The following C17orf67 variants were observed in gnomAD, a reference collection of about 807,000 sequenced individuals.
C17orf67 encodes the protein chromosome 17 open reading frame 67.
C17orf67 carries 12 observed loss-of-function variants against 11.2 expected under a neutral mutation model. The observed-to-expected ratio is 1.07, with a 90% CI of 0.68 to 1.73. C17orf67 has a LOEUF of 1.73. Among genes scored for constraint, C17orf67 ranks in the 40% most tolerant of loss-of-function variants. C17orf67 has a pLI of 0.00. For missense variants in C17orf67, 115 were observed against 113.5 expected (o/e 1.01, Z -0.06); for synonymous variants, 59 against 46.9 (o/e 1.26, Z -1.05).
chr17:56,833,461 GC>G (rs1234399113), intron 1 of C17orf67, 119 bp from the exon 2 acceptor site: 1 of 150,822 alleles, frequency 6.6e-6, no homozygotes, highest in African/African-American at 2.4e-5. Context: ...CGCAGGGGAG[GC>G]CCGCCCGCCA....
At chr17:56,805,166 G>A (rs968937035) in intron 6 of C17orf67, among the ~76,000 whole-genome samples, 1 of 152,142 alleles carries the variant, frequency 6.6e-6, no homozygotes, top group Non-Finnish European at 1.5e-5. Context: ...CTATGCTAGC[G>A]GGACGTTCTG....
At chr17:56,822,064 G>C (rs1248581635) in intron 4 of C17orf67, among the ~76,000 whole-genome samples, 1 of 152,184 alleles carries the variant, frequency 6.6e-6, no homozygotes, top group African/African-American at 2.4e-5. Context: ...ACTCAACCCA[G>C]CCCGGTCTAT....
At position 56,825,123 on chromosome 17, in the gene C17orf67, T is replaced by C. The variant is rs1905994878; in HGVS notation, c.-358A>G. The C allele has an allele frequency of 1.3e-5, 2 of 152,268 alleles. No homozygotes were observed. The highest frequency in any genetic ancestry group is 2.9e-5 in the Non-Finnish European group (2 of 68,050). 9.4% of individuals were successfully genotyped at this position (152,268 alleles called of 1,614,324 possible). A position where few individuals can be genotyped will look rare whatever the true frequency, so the allele number is the denominator to read the frequency against. ...AAGTTAGATTCCTAGCTCCACTTCA[T>C]ATTCTGACTTCAGAGACCTGGTCAG... On this transcript the variant is annotated 5_prime_UTR_variant, in exon 3 of 8. The change creates a new upstream start codon in the 5' untranslated region. Transcript: ENST00000397861.
intron 6 of C17orf67, among the ~76,000 whole-genome samples, chr17:56,795,665 C>T (rs1247195832): frequency 3.3e-5 from 5 of 151,956 alleles, no homozygotes; most frequent in Non-Finnish European, 7.4e-5. Flanking sequence ...GCTCTGAGAA[C>T]AAAAGAAACT....
chr17:56,799,611 C>A (rs1452027474), intron 6 of C17orf67, among the ~76,000 whole-genome samples: 1 of 152,120 alleles, frequency 6.6e-6, no homozygotes, highest in Non-Finnish European at 1.5e-5. Context: ...ATTATTGAAT[C>A]GTATGTTAAG....
At chr17:56,819,868 A>G (rs187498608) in intron 4 of C17orf67, among the ~76,000 whole-genome samples, 11 of 152,338 alleles carry the variant, frequency 7.2e-5, no homozygotes, top group Admixed American at 7.2e-4. Flanking sequence ...AGAAGGTGGA[A>G]CCAGGGACAA....
chr17:56,826,080 G>A (rs536260566), intron 2 of C17orf67, among the ~76,000 whole-genome samples: 4 of 152,114 alleles, frequency 2.6e-5, no homozygotes, highest in East Asian at 3.9e-4. Flanking sequence ...TCAGGCTCCC[G>A]AGTAGCTGGG....
At chr17:56,805,976 T>TC (rs1555591466) in intron 6 of C17orf67, among the ~76,000 whole-genome samples, 4 of 138,414 alleles carry the variant, frequency 2.9e-5, no homozygotes, top group Admixed American at 7.1e-5. Context: ...TTTTCCTTTT[T>TC]TTTTTTTTTT....
intron 2 of C17orf67, among the ~76,000 whole-genome samples, chr17:56,828,795 A>C (rs1267897599): frequency 1.3e-5 from 2 of 151,676 alleles, no homozygotes; most frequent in African/African-American, 2.4e-5. Flanking sequence ...CAGCTTGCAG[A>C]AACACTGGAT....
At chr17:56,811,065 A>G (rs1230174566) in intron 6 of C17orf67, among the ~76,000 whole-genome samples, 1 of 152,194 alleles carries the variant, frequency 6.6e-6, no homozygotes, top group East Asian at 1.9e-4. Flanking sequence ...CAGGGGCCTC[A>G]GAATAAACTG....
Position 56,815,990 on chromosome 17 carries a change from G to A in C17orf67, c.-180C>T, listed in dbSNP as rs990011677. ...AATGACCACTGAAATATTTTCCTCC[G>A]AATTCCTGTAAATTTTCATCCTGAG... is the stretch of plus-strand genomic sequence containing the variant. On this transcript the variant is annotated 5_prime_UTR_variant, in exon 5 of 8. Transcript: ENST00000397861. The A allele has an allele frequency of 3.3e-5, 42 of 1,278,038 alleles. No homozygotes were observed. In the African/African-American group the frequency reaches 4.0e-4, roughly 12 times the overall value. 79.2% of individuals were successfully genotyped at this position (1,278,038 alleles called of 1,614,324 possible). A position where few individuals can be genotyped will look rare whatever the true frequency, so the allele number is the denominator to read the frequency against.
intron 6 of C17orf67, among the ~76,000 whole-genome samples, chr17:56,798,673 CA>C (rs58924731): frequency 0.85 from 127,978 of 150,204 alleles, 54,592 homozygotes; most frequent in East Asian, 0.93. Flanking sequence ...ACCAAAAATA[CA>C]AAAAAAAAAA....
At chr17:56,812,311 G>A (rs532953496) in intron 6 of C17orf67, among the ~76,000 whole-genome samples, 2 of 152,326 alleles carry the variant, frequency 1.3e-5, no homozygotes, top group East Asian at 3.9e-4. Flanking sequence ...TGTGTAGGGT[G>A]TTTAGCAGCA....
chr17:56,795,027 G>A lies in C17orf67; in HGVS notation c.*20+17C>T, dbSNP rs1310914549. ...CACTCCCTCAGACAGAGGTCCGGGA[G>A]AGAGAAGGAGACGTACCGAGGCTGG... is the stretch of plus-strand genomic sequence containing the variant. On this transcript the variant is annotated intron_variant, in intron 7 of 7. Coordinates refer to ENST00000397861, the MANE Select transcript of C17orf67 (RefSeq NM_001085430.4). 1.9e-6 allele frequency: 3 copies of A among 1,553,092 alleles called. No individual in the cohort carries two copies. Among genetic ancestry groups the A allele is most frequent in the Non-Finnish European group, 2.7e-6 (3 of 1,125,852 alleles).
At chr17:56,806,923 C>T (rs891164775) in intron 6 of C17orf67, among the ~76,000 whole-genome samples, 1 of 152,128 alleles carries the variant, frequency 6.6e-6, no homozygotes, top group African/African-American at 2.4e-5. Context: ...GGAGGTTGTC[C>T]CCTTAGCCCA....
intron 6 of C17orf67, among the ~76,000 whole-genome samples, chr17:56,810,916 G>A (rs915029740): frequency 1.3e-5 from 2 of 152,230 alleles, no homozygotes; most frequent in African/African-American, 4.8e-5. Context: ...TTTGCTTTCA[G>A]TAAATCCATA....
chr17:56,829,667 C>G (rs1241879822), intron 2 of C17orf67, among the ~76,000 whole-genome samples: 1 of 152,204 alleles, frequency 6.6e-6, no homozygotes, highest in Non-Finnish European at 1.5e-5. Context: ...TCCACCTTCC[C>G]CTTCTGACAC....
chr17:56,797,120 A>G (rs1251602612), intron 6 of C17orf67, among the ~76,000 whole-genome samples: 1 of 152,098 alleles, frequency 6.6e-6, no homozygotes, highest in African/African-American at 2.4e-5. Flanking sequence ...GTTAATCTCT[A>G]TGCTTCTCAA....
chr17:56,807,216 C>T (rs1905473618), intron 6 of C17orf67, among the ~76,000 whole-genome samples: 1 of 152,164 alleles, frequency 6.6e-6, no homozygotes, highest in African/African-American at 2.4e-5. Context: ...CAGCGGGAGC[C>T]ACCAAGTGGA....
Sources: allele counts gnomAD v4.1 joint callset (sites outside exome capture counted in the v4.1 genomes callset), GRCh38; gene constraint gnomAD v4.1.1; transcripts MANE v1.5; gene names NCBI Gene and HGNC (gene_info 2026-07-23, HGNC 2026-07-21).